CACNA1C: variants seen among roughly 807,000 people sequenced by gnomAD.
CACNA1C encodes the protein voltage-dependent L-type calcium channel subunit alpha-1C.
In CACNA1C, 30 loss-of-function variants were observed where a neutral mutation model predicts 229.0. The observed-to-expected ratio is 0.13, with a 90% CI of 0.10 to 0.18. The LOEUF is 0.18. Among genes scored for constraint, CACNA1C ranks in the 10% least tolerant of loss-of-function variants. The pLI is 1.00. For synonymous variants in CACNA1C, 1,114 were observed against 1,132.5 expected (o/e 0.98, Z 0.33); for missense variants, 1,658 against 2,845.0 (o/e 0.58, Z 9.49).
intron 3 of CACNA1C, among the ~76,000 whole-genome samples, chr12:2,135,272 G>A (rs2093158915): frequency 6.9e-6 from 1 of 145,918 alleles, no homozygotes; most frequent in Admixed American, 6.9e-5. Context: ...GTAGCTCAGA[G>A]TAATTTGATT....
intron 9 of CACNA1C, among the ~76,000 whole-genome samples, chr12:2,531,402 C>T (rs2099840748): frequency 6.6e-6 from 1 of 152,188 alleles, no homozygotes; most frequent in South Asian, 2.1e-4. Flanking sequence ...GGCCCTGTAA[C>T]CTAAACAACC....
intron 34 of CACNA1C, among the ~76,000 whole-genome samples, chr12:2,658,594 T>C (rs2095540784): frequency 1.3e-5 from 2 of 150,888 alleles, no homozygotes; most frequent in Non-Finnish European, 2.9e-5. Context: ...ACTATACTTT[T>C]ATCATTATTT....
At chr12:2,283,288 C>T (rs2154439608) in intron 3 of CACNA1C, among the ~76,000 whole-genome samples, 1 of 152,286 alleles carries the variant, frequency 6.6e-6, no homozygotes, top group South Asian at 2.1e-4. Flanking sequence ...CTACAACTGG[C>T]TGCAAGGGAG....
At chr12:2,406,681 C>A (rs183941296) in intron 3 of CACNA1C, among the ~76,000 whole-genome samples, 1 of 152,330 alleles carries the variant, frequency 6.6e-6, no homozygotes, top group East Asian at 1.9e-4. Flanking sequence ...CGGTTTCAAG[C>A]CTGCTTGTAA....
chr12:2,690,916 G>T lies in CACNA1C; in HGVS notation c.6134G>T (p.Gly2045Val). Reference protein sequence around the residue: ...SLVEAVLISEGLGQFAQDPKF... With the variant: ...SLVEAVLISEVLGQFAQDPKF... ...CTCCTTCAGGTCTTGATTTCAGAAG[G>T]ACTGGGGCAGTTTGCTCAAGATCCC... Residue 2045 changes from glycine to valine, a missense_variant, in exon 47 of 47, where the codon GGA becomes GTA. Coordinates refer to ENST00000399655, the MANE Select transcript of CACNA1C (RefSeq NM_000719.7). 6.3e-7 allele frequency: 1 copy of T among 1,584,020 alleles called. No individual in the cohort carries two copies. The highest frequency in any genetic ancestry group is 2.3e-5 in the East Asian group (1 of 43,418).
rs1017016186 is a variant in CACNA1C at position 2,354,807 on chromosome 12, C to T, written c.478-94169C>T. On this transcript the variant is annotated intron_variant, in intron 3 of 46. Transcript: ENST00000399655. The surrounding 1 kb of genome is among the most constrained non-coding windows in gnomAD (Gnocchi z 4.6). ...TGACTTCTGGTTCCATTCTCGTTTC[C>T]CTGGGCTGCTCTCCACCTTCCAGGC... Among the ~76,000 whole-genome samples the T allele has an allele frequency of 3.3e-5, 5 of 152,170 alleles. No individual in the cohort carries two copies. The highest frequency in any genetic ancestry group is 7.4e-5 in the Non-Finnish European group (5 of 68,026).
At chr12:2,234,429 G>C (rs1231271949) in intron 3 of CACNA1C, among the ~76,000 whole-genome samples, 1 of 152,162 alleles carries the variant, frequency 6.6e-6, no homozygotes, top group Non-Finnish European at 1.5e-5. Context: ...GGGCACCATG[G>C]GTCACCTGCA....
chr12:2,482,130 C>T (rs746014130), intron 5 of CACNA1C, among the ~76,000 whole-genome samples: 30 of 152,254 alleles, frequency 2.0e-4, no homozygotes, highest in Admixed American at 9.8e-4. Context: ...TCTGGCCGCA[C>T]GCCTTCACAA....
chr12:2,444,148 G>C (rs191338824), intron 3 of CACNA1C, among the ~76,000 whole-genome samples: 20 of 152,168 alleles, frequency 1.3e-4, no homozygotes, highest in Non-Finnish European at 2.6e-4. Flanking sequence ...TGTCTCTGGG[G>C]ATAAGTGGTA....
intron 3 of CACNA1C, among the ~76,000 whole-genome samples, chr12:2,306,207 G>A (rs1048080910): frequency 1.3e-5 from 2 of 152,202 alleles, no homozygotes; most frequent in Non-Finnish European, 1.5e-5. Context: ...GGATACTTCC[G>A]GAAGCTGTGG....
chr12:2,004,147 C>G, intron 1 of CACNA1C: 1 of 1,313,880 alleles, frequency 7.6e-7, no homozygotes, highest in Non-Finnish European at 1.0e-6. Context: ...ACAACTTCGG[C>G]CTCAGTCCCC....
At chr12:2,395,952 A>G (rs2098560305) in intron 3 of CACNA1C, among the ~76,000 whole-genome samples, 1 of 152,144 alleles carries the variant, frequency 6.6e-6, no homozygotes, top group Non-Finnish European at 1.5e-5. Flanking sequence ...CCCAGTGTTC[A>G]GAGGGATTAA....
chr12:2,577,176 A>G (rs1288369290), intron 13 of CACNA1C, among the ~76,000 whole-genome samples: 1 of 152,190 alleles, frequency 6.6e-6, no homozygotes, highest in Non-Finnish European at 1.5e-5. Flanking sequence ...AAACAGCACA[A>G]ACAACCATAT....
intron 10 of CACNA1C, among the ~76,000 whole-genome samples, chr12:2,555,824 A>G (rs899847300): frequency 1.3e-5 from 2 of 152,188 alleles, no homozygotes; most frequent in African/African-American, 4.8e-5. Context: ...ATAAGAAATA[A>G]CGAGAGGGGC....
chr12:2,523,510 C>T (rs1395616984), intron 9 of CACNA1C, among the ~76,000 whole-genome samples: 1 of 152,148 alleles, frequency 6.6e-6, no homozygotes, highest in Non-Finnish European at 1.5e-5. Flanking sequence ...TCTGATGATT[C>T]TGGGCTGTGC....
At chr12:2,532,371 T>A (rs2099843141) in intron 9 of CACNA1C, among the ~76,000 whole-genome samples, 1 of 152,122 alleles carries the variant, frequency 6.6e-6, no homozygotes, top group Non-Finnish European at 1.5e-5. Context: ...CAGTCCTTCC[T>A]TCCTCTCTGA....
At position 2,370,843 on chromosome 12, in the gene CACNA1C, C is replaced by G. The variant is rs74999774; in HGVS notation, c.478-78133C>G. 5.1e-4 allele frequency among the ~76,000 whole-genome samples: 77 copies of G among 152,266 alleles called. 1 individual carries two copies. In the East Asian group the frequency reaches 0.013, roughly 25 times the overall value. On this transcript the variant is annotated intron_variant, in intron 3 of 46. Coordinates refer to ENST00000399655, the MANE Select transcript of CACNA1C (RefSeq NM_000719.7). Reference sequence around the variant, plus strand: ...TGTTGTGATTGTAGTCGAAGCTGACCTGGGTTGCCTTGGTGGCAGTCTGCG... The same window carrying G: ...TGTTGTGATTGTAGTCGAAGCTGACGTGGGTTGCCTTGGTGGCAGTCTGCG...
At chr12:2,232,227 G>GTTTTTTCTTTT (rs2065456883) in intron 3 of CACNA1C, among the ~76,000 whole-genome samples, 1 of 73,558 alleles carries the variant, frequency 1.4e-5, no homozygotes, top group African/African-American at 5.0e-5. Context: ...GTCTTTCCTT[G>GTTTTTTCTTTT]TTTTTTTTTT....
rs786205753 is a variant in CACNA1C, at chr12:2,593,255, G to A, written c.2573G>A (p.Arg858His). 8 of 1,613,630 alleles carry A rather than the reference G, an allele frequency of 5.0e-6. No individual in the cohort carries two copies. The highest frequency in any genetic ancestry group is 1.3e-5 in the African/African-American group (1 of 75,028). Residue 858 changes from arginine to histidine, a missense_variant, in exon 19 of 47, where the codon CGC becomes CAC. Arg to His is a conservative substitution (Grantham distance 29, BLOSUM62 0). Around this residue, in one of 20 missense-constraint regions of CACNA1C, gnomAD observed 121 missense variants for 128.8 expected, o/e 0.94. Coordinates refer to ENST00000399655, the MANE Select transcript of CACNA1C (RefSeq NM_000719.7). ...GAGCCAGAGATGCCTGTCGGCCCTCGCCCACGACCACTCTCTGAGCTTCAC... is the reference window on the plus strand; with the variant it reads ...GAGCCAGAGATGCCTGTCGGCCCTCACCCACGACCACTCTCTGAGCTTCAC... ...EEEPEMPVGPRPRPLSELHLK... is the reference protein window; with the variant it reads ...EEEPEMPVGPHPRPLSELHLK...
Sources: gnomAD v4.1 joint callset for allele counts (sites outside exome capture counted in the v4.1 genomes callset) on GRCh38, gnomAD v4.1.1 for gene constraint, gnomAD v4.1.1 regional missense constraint, Gnocchi (gnomAD v3.1) non-coding constraint, MANE v1.5 for transcripts, NCBI Gene and HGNC (gene_info 2026-07-23, HGNC 2026-07-21) for gene names.